LPP: variants seen among roughly 807,000 people sequenced by gnomAD.
LPP encodes LIM domain containing preferred translocation partner in lipoma.
Under a neutral mutation model 60.4 loss-of-function variants are expected in LPP, and 38 were observed. The ratio of observed to expected loss-of-function variants is 0.63; its 90% confidence interval spans 0.49 to 0.83. LPP has a LOEUF of 0.83. Ranked by LOEUF, LPP falls within the 40% of genes least tolerant of loss-of-function variation. The probability of loss-of-function intolerance (pLI) is 0.00; values close to 1 mark genes in which losing one functional copy is unlikely to be tolerated. For synonymous variants in LPP, 328 were observed against 290.8 expected (o/e 1.13, Z -1.30); for missense variants, 902 against 783.6 (o/e 1.15, Z -1.80).
chr3:188,779,870 T>C (rs1313523496), intron 9 of LPP, among the ~76,000 whole-genome samples: 1 of 152,200 alleles, frequency 6.6e-6, no homozygotes, highest in East Asian at 1.9e-4. Flanking sequence ...CATCTGAATC[T>C]TCTGTTTTGG....
intron 6 of LPP, among the ~76,000 whole-genome samples, chr3:188,586,791 G>A (rs935584435): frequency 6.0e-5 from 9 of 149,236 alleles, no homozygotes; most frequent in Admixed American, 2.0e-4. Flanking sequence ...GCAGTGGCCC[G>A]ATCTTGGCTC....
At chr3:188,185,590 C>T (rs1829132) in intron 1 of LPP, among the ~76,000 whole-genome samples, 2,774 of 152,146 alleles carry the variant, frequency 0.018, 63 homozygotes, top group African/African-American at 0.063. Context: ...TCTCTTTTCC[C>T]CTACATACCC....
At chr3:188,176,897 G>A (rs1213867931) in intron 1 of LPP, among the ~76,000 whole-genome samples, 1 of 152,242 alleles carries the variant, frequency 6.6e-6, no homozygotes, top group East Asian at 1.9e-4. Flanking sequence ...AGAATTGGGA[G>A]AGCTGGGTTC....
Position 188,879,317 on chromosome 3 carries a change from A to G in LPP, c.*4838A>G, listed in dbSNP as rs1187415028. On this transcript the variant is annotated 3_prime_UTR_variant, in exon 12 of 12. Coordinates refer to ENST00000617246, the MANE Select transcript of LPP (RefSeq NM_001375462.1). ...TATTTTCTTTCCTACTTTCCATCCTACCTATTAGTGTTGCTGTACTTGGAT... is the reference window on the plus strand; with the variant it reads ...TATTTTCTTTCCTACTTTCCATCCTGCCTATTAGTGTTGCTGTACTTGGAT... 4.4e-6 allele frequency: 1 copy of G among 224,888 alleles called. No homozygotes were observed. Among genetic ancestry groups the G allele is most frequent in the African/African-American group, 2.2e-5 (1 of 44,706 alleles). 13.9% of individuals were successfully genotyped at this position (224,888 alleles called of 1,614,324 possible).
At chr3:188,335,142 G>A (rs750955792) in intron 2 of LPP, among the ~76,000 whole-genome samples, 88 of 152,264 alleles carry the variant, frequency 5.8e-4, no homozygotes, top group African/African-American at 1.6e-3. Context: ...CAATTTGAAC[G>A]TGTCCAGTAT....
At chr3:188,174,433 G>A (rs35262984) in intron 1 of LPP, among the ~76,000 whole-genome samples, 40,619 of 152,144 alleles carry the variant, frequency 0.27, 5,759 homozygotes, top group East Asian at 0.36. Flanking sequence ...GCAGCGAAGC[G>A]TGCGCAGGCA....
chr3:188,244,024 C>T (rs1377241078), intron 2 of LPP, among the ~76,000 whole-genome samples: 5 of 152,112 alleles, frequency 3.3e-5, no homozygotes, highest in Middle Eastern at 3.2e-3. Flanking sequence ...GTGCCCGTCA[C>T]CACGCCCGGC....
At chr3:188,675,968 G>A (rs1381755056) in intron 7 of LPP, among the ~76,000 whole-genome samples, 1 of 151,930 alleles carries the variant, frequency 6.6e-6, no homozygotes. Flanking sequence ...TTTGGTGATT[G>A]GAATCCTCTT....
intron 2 of LPP, among the ~76,000 whole-genome samples, chr3:188,285,695 T>C (rs1743683704): frequency 6.6e-6 from 1 of 152,168 alleles, no homozygotes; most frequent in South Asian, 2.1e-4. Context: ...AGCCACTGTT[T>C]CTGGCCTCCT....
chr3:188,319,947 G>A (rs1386971458), intron 2 of LPP, among the ~76,000 whole-genome samples: 2 of 152,010 alleles, frequency 1.3e-5, no homozygotes, highest in East Asian at 1.9e-4. Flanking sequence ...CCTGTTTTTA[G>A]GACCTTGACA....
chr3:188,596,185 G>A (rs933599270), intron 6 of LPP, among the ~76,000 whole-genome samples: 2 of 152,164 alleles, frequency 1.3e-5, no homozygotes, highest in African/African-American at 4.8e-5. Context: ...TTTTTTAAGA[G>A]TGCAGAATTG....
At chr3:188,861,419 ATGT>A (rs1765169455) in intron 9 of LPP, among the ~76,000 whole-genome samples, 1 of 152,234 alleles carries the variant, frequency 6.6e-6, no homozygotes, top group Non-Finnish European at 1.5e-5. Flanking sequence ...TAAAATGAAA[ATGT>A]TGTTAACATT....
intron 4 of LPP, among the ~76,000 whole-genome samples, chr3:188,424,595 T>G (rs2149077325): frequency 6.6e-6 from 1 of 152,268 alleles, no homozygotes. Context: ...CATGGAATGG[T>G]TTTCCATTTG....
chr3:188,211,222 C>A (rs1734606626), intron 1 of LPP, among the ~76,000 whole-genome samples: 2 of 152,160 alleles, frequency 1.3e-5, no homozygotes, highest in African/African-American at 4.8e-5. Flanking sequence ...CGTCTAAAAT[C>A]TTAACGACTG....
intron 3 of LPP, among the ~76,000 whole-genome samples, chr3:188,367,482 G>A (rs931753793): frequency 3.9e-5 from 6 of 152,156 alleles, no homozygotes; most frequent in African/African-American, 1.4e-4. Context: ...TATATCTGGT[G>A]TGGATAAAAA....
chr3:188,251,668 A>G (rs754646285), intron 2 of LPP, among the ~76,000 whole-genome samples: 3 of 152,220 alleles, frequency 2.0e-5, no homozygotes, highest in South Asian at 2.1e-4. Flanking sequence ...GGATTTGCTT[A>G]TGGTGCTCCT....
chr3:188,173,003 G>A (rs1303920941), intron 1 of LPP, among the ~76,000 whole-genome samples: 2 of 152,134 alleles, frequency 1.3e-5, no homozygotes, highest in East Asian at 3.9e-4. Flanking sequence ...GGGTAGCTGG[G>A]ACAACAGGTG....
intron 6 of LPP, among the ~76,000 whole-genome samples, chr3:188,574,241 C>T (rs1255487384): frequency 6.6e-6 from 1 of 152,184 alleles, no homozygotes; most frequent in African/African-American, 2.4e-5. Flanking sequence ...GTCTGGGTGA[C>T]TCACAAATCT....
At chr3:188,751,447 G>T (rs1430238264) in intron 8 of LPP, among the ~76,000 whole-genome samples, 1 of 152,200 alleles carries the variant, frequency 6.6e-6, no homozygotes, top group Non-Finnish European at 1.5e-5. Flanking sequence ...TTAAGACGGA[G>T]AATGTGAAAA....
Sources: allele counts gnomAD v4.1 joint callset (sites outside exome capture counted in the v4.1 genomes callset), GRCh38; gene constraint gnomAD v4.1.1; transcripts MANE v1.5; gene names NCBI Gene and HGNC (gene_info 2026-07-23, HGNC 2026-07-21).